The following PCDH15 variants were observed in gnomAD, a reference collection of about 807,000 sequenced individuals.
The protein encoded by PCDH15 is protocadherin related 15, also known as protocadherin-15.
In PCDH15, 129 loss-of-function variants were observed where a neutral mutation model predicts 178.5. That is an observed-to-expected ratio of 0.72 (90% CI 0.63 to 0.84). The LOEUF is 0.84. Ranked by LOEUF, PCDH15 falls within the 40% of genes least tolerant of loss-of-function variation. The pLI, the probability that PCDH15 is intolerant of heterozygous loss-of-function variation, is 0.00. For missense variants in PCDH15, 2,230 were observed against 2,099.9 expected, an observed-to-expected ratio of 1.06 and a Z score of -1.21; for synonymous variants, 800 against 732.0, an observed-to-expected ratio of 1.09 and a Z score of -1.50.
intron 3 of PCDH15, among the ~76,000 whole-genome samples, chr10:54,393,739 T>G (rs1950840457): frequency 6.6e-6 from 1 of 152,214 alleles, no homozygotes; most frequent in Admixed American, 6.5e-5. Context: ...TTCATCTATC[T>G]TGCCTCATAT....
intron 2 of PCDH15, among the ~76,000 whole-genome samples, chr10:55,128,342 C>T (rs978253360): frequency 1.3e-5 from 2 of 151,728 alleles, no homozygotes; most frequent in African/African-American, 4.8e-5. Context: ...TACTCTCTTA[C>T]TTGATCTATA....
At chr10:55,362,450 G>A (rs1005929810) in intron 2 of PCDH15, among the ~76,000 whole-genome samples, 12 of 152,112 alleles carry the variant, frequency 7.9e-5, no homozygotes, top group South Asian at 6.2e-4. Flanking sequence ...CTATTAAAGA[G>A]AACTAATCAG....
chr10:55,074,570 G>GT (rs1006559299), intron 2 of PCDH15, among the ~76,000 whole-genome samples: 7 of 151,810 alleles, frequency 4.6e-5, no homozygotes, highest in Non-Finnish European at 8.8e-5. Flanking sequence ...GTTTATGGGG[G>GT]TTTTTTTGTA....
chr10:53,858,022 A>T (rs1357531263), intron 27 of PCDH15, among the ~76,000 whole-genome samples: 2 of 151,068 alleles, frequency 1.3e-5, no homozygotes, highest in Non-Finnish European at 1.5e-5. Context: ...AAACAAAAAA[A>T]ATAAATTGAG....
At chr10:54,686,415 AG>A (rs1295168297) in intron 1 of PCDH15, among the ~76,000 whole-genome samples, 212 of 152,252 alleles carry the variant, frequency 1.4e-3, no homozygotes, top group African/African-American at 5.0e-3. Flanking sequence ...GAGATTTTTT[AG>A]CAAAAAGAAG....
At chr10:53,980,377 A>T (rs1007010348) in intron 21 of PCDH15, among the ~76,000 whole-genome samples, 12 of 152,298 alleles carry the variant, frequency 7.9e-5, no homozygotes, top group Middle Eastern at 3.4e-3. Context: ...TGTATATTTT[A>T]AAAATGTGTG....
At chr10:53,918,270 C>A (rs1346592854) in intron 25 of PCDH15, among the ~76,000 whole-genome samples, 1 of 152,104 alleles carries the variant, frequency 6.6e-6, no homozygotes. Flanking sequence ...TAGGTATTTT[C>A]ATTCTGCTTT....
chr10:54,896,724 T>G (rs1351471382), intron 3 of PCDH15, among the ~76,000 whole-genome samples: 1 of 152,234 alleles, frequency 6.6e-6, no homozygotes, highest in South Asian at 2.1e-4. Flanking sequence ...AGAACAACAT[T>G]GGTTACAAGA....
chr10:54,028,266 A>G (rs1021431227), intron 18 of PCDH15, among the ~76,000 whole-genome samples: 1 of 150,258 alleles, frequency 6.7e-6, no homozygotes, highest in African/African-American at 2.5e-5. Context: ...TAGAATGGCA[A>G]TCATTAAAAA....
At chr10:54,185,067 A>C in intron 12 of PCDH15, 67 bp downstream of exon 12, 1 of 1,568,228 alleles carries the variant, frequency 6.4e-7, no homozygotes, top group Non-Finnish European at 8.8e-7. Context: ...CATCTCTTTC[A>C]GTTCCATACA....
In PCDH15 at chr10:54,724,508, T is replaced by C. The variant is rs531048867; in HGVS notation, c.-28-60218A>G. On this transcript the variant is annotated intron_variant, in intron 1 of 37. Coordinates refer to ENST00000644397, the MANE Select transcript of PCDH15 (RefSeq NM_001384140.1). Reference sequence around the variant, plus strand: ...AATATAATTATGTAACAAATATGCATATATACCCCCGAATCTAAAATAAAA... The same window carrying C: ...AATATAATTATGTAACAAATATGCACATATACCCCCGAATCTAAAATAAAA... 2.0e-5 allele frequency among the ~76,000 whole-genome samples: 3 copies of C among 151,462 alleles called. No homozygotes were observed. The South Asian group carries it at 6.2e-4, about 31-fold the overall frequency.
At chr10:55,068,042 C>G (rs1369156902) in intron 2 of PCDH15, among the ~76,000 whole-genome samples, 1 of 151,940 alleles carries the variant, frequency 6.6e-6, no homozygotes, top group Non-Finnish European at 1.5e-5. Flanking sequence ...AAAAAGTTGT[C>G]TCTACAGTCT....
rs567194020 is a variant in PCDH15 at position 55,393,195 on chromosome 10, A to G, written c.-155-226544T>C. Among the ~76,000 whole-genome samples the G allele has an allele frequency of 5.9e-5, 9 of 152,198 alleles. No individual in the cohort carries two copies. The South Asian group carries it at 1.7e-3, about 28-fold the overall frequency. ...ACTGATGGTCCTCAAATTTAGGTAT[A>G]AATCAAAATTATGAGAAAGATTAAG... On this transcript the variant is annotated intron_variant, in intron 2 of 5. Coordinates refer to the PCDH15 transcript ENST00000613346.
At chr10:53,979,587 T>C (rs1470955129) in intron 21 of PCDH15, among the ~76,000 whole-genome samples, 2 of 152,258 alleles carry the variant, frequency 1.3e-5, no homozygotes, top group Non-Finnish European at 2.9e-5. Flanking sequence ...GCTTCTCATA[T>C]TCGTCTCTCA....
At chr10:53,808,718 A>G in intron 37 of PCDH15, 1 of 1,613,130 alleles carries the variant, frequency 6.2e-7, no homozygotes, top group Non-Finnish European at 8.5e-7. Context: ...TAACCTTCAG[A>G]GTTTGCTCCT....
chr10:54,442,321 C>G (rs1463213378), intron 3 of PCDH15, among the ~76,000 whole-genome samples: 1 of 144,144 alleles, frequency 6.9e-6, no homozygotes, highest in African/African-American at 2.6e-5. Flanking sequence ...TCCATAAATT[C>G]ATAAAGTGTT....
chr10:54,711,366 T>C (rs899262091), intron 1 of PCDH15, among the ~76,000 whole-genome samples: 5 of 152,110 alleles, frequency 3.3e-5, no homozygotes, highest in African/African-American at 1.2e-4. Flanking sequence ...ACATCTTTCA[T>C]ATATTTAATC....
In PCDH15 at chr10:54,317,261, G is replaced by A. The variant is rs778754722; in HGVS notation, c.876+10C>T. The A allele has an allele frequency of 1.2e-6, 2 of 1,610,684 alleles. No individual in the cohort carries two copies. The highest frequency in any genetic ancestry group is 4.5e-5 in the East Asian group (2 of 44,846). On this transcript the variant is annotated intron_variant, in intron 8 of 37. Coordinates refer to ENST00000644397, the MANE Select transcript of PCDH15 (RefSeq NM_001384140.1). ...TGCAAATAAATGGAGAAAGATAAGA[G>A]TATATTTACCGGAGTTCTCAACTCA...
Position 55,605,404 on chromosome 10 carries a change from G to A in PCDH15, c.-156+22221C>T, listed in dbSNP as rs1843192509. On this transcript the variant is annotated intron_variant, in intron 2 of 5. Transcript: ENST00000613346. Reference sequence around the variant, plus strand: ...CTCCCTAACTCATTTTATGAGGCCAGCATCATTCTGATACCAAAGCCGGGC... The same window carrying A: ...CTCCCTAACTCATTTTATGAGGCCAACATCATTCTGATACCAAAGCCGGGC... 3.3e-5 allele frequency among the ~76,000 whole-genome samples: 5 copies of A among 150,836 alleles called. 1 individual carries two copies. The South Asian group carries it at 1.0e-3, about 31-fold the overall frequency.
Sources: gnomAD v4.1 joint callset for allele counts (sites outside exome capture counted in the v4.1 genomes callset) on GRCh38, gnomAD v4.1.1 for gene constraint, MANE v1.5 for transcripts, NCBI Gene and HGNC (gene_info 2026-07-23, HGNC 2026-07-21) for gene names.